Variants in ASB3 observed in about 807,000 individuals in gnomAD.
ASB3 encodes the protein ankyrin repeat and SOCS box protein 3.
Under a neutral mutation model 54.5 loss-of-function variants are expected in ASB3, and 41 were observed. The ratio of observed to expected loss-of-function variants is 0.75; its 90% CI spans 0.59 to 0.98. The LOEUF is 0.98. Ranked by LOEUF, ASB3 falls within the 50% of genes least tolerant of loss-of-function variation. The pLI is 0.00. For synonymous variants in ASB3, 266 were observed against 221.2 expected (o/e 1.20, Z -1.80); for missense variants, 733 against 620.0 (o/e 1.18, Z -1.94).
intron 1 of ASB3, among the ~76,000 whole-genome samples, chr2:53,770,501 A>T (rs1261337641): frequency 1.4e-4 from 10 of 69,662 alleles, no homozygotes; most frequent in Admixed American, 2.7e-4. Flanking sequence ...GTTTATTTAA[A>T]AAAAAAAAAA....
chr2:53,783,087 T>C (rs1275179623), intron 1 of ASB3, among the ~76,000 whole-genome samples: 1 of 152,142 alleles, frequency 6.6e-6, no homozygotes, highest in Non-Finnish European at 1.5e-5. Context: ...ATTTTTTTTT[T>C]TGAAGTAAAA....
At chr2:53,686,790 C>G (rs1348178214) in intron 9 of ASB3, among the ~76,000 whole-genome samples, 1 of 152,152 alleles carries the variant, frequency 6.6e-6, no homozygotes, top group Admixed American at 6.5e-5. Context: ...AATCTCGGCT[C>G]ACTGCAACCT....
chr2:53,674,590 A>G (rs1052139184), intron 9 of ASB3, among the ~76,000 whole-genome samples: 1 of 152,170 alleles, frequency 6.6e-6, no homozygotes, highest in East Asian at 1.9e-4. Context: ...TATATTTTCT[A>G]CATTCATCTT....
chr2:53,727,944 T>A (rs1671099506), intron 5 of ASB3, among the ~76,000 whole-genome samples: 1 of 152,130 alleles, frequency 6.6e-6, no homozygotes, highest in Non-Finnish European at 1.5e-5. Flanking sequence ...CAGGCTGGTC[T>A]CAAACTCCTG....
intron 9 of ASB3, among the ~76,000 whole-genome samples, chr2:53,684,495 T>C (rs1668536155): frequency 6.6e-6 from 1 of 152,246 alleles, no homozygotes; most frequent in Non-Finnish European, 1.5e-5. Flanking sequence ...ATGATTCTCA[T>C]GGTTCTCACT....
intron 3 of ASB3, among the ~76,000 whole-genome samples, chr2:53,741,186 T>C (rs1295033160): frequency 1.3e-5 from 2 of 152,210 alleles, no homozygotes; most frequent in Admixed American, 6.5e-5. Context: ...AGGAGCAACA[T>C]TTCCATTTTA....
At chr2:53,785,821 G>A (rs554618806) in intron 1 of ASB3, among the ~76,000 whole-genome samples, 1 of 152,358 alleles carries the variant, frequency 6.6e-6, no homozygotes, top group South Asian at 2.1e-4. Context: ...CAGCCTGGGT[G>A]ACAGAGCGAG....
At chr2:53,685,544 C>G (rs1668588666) in intron 9 of ASB3, among the ~76,000 whole-genome samples, 2 of 152,194 alleles carry the variant, frequency 1.3e-5, no homozygotes, top group Non-Finnish European at 2.9e-5. Flanking sequence ...ATTCTAACCT[C>G]CTAACCTTCC....
chr2:53,762,388 T>A (rs532833270), intron 2 of ASB3, among the ~76,000 whole-genome samples: 3 of 152,252 alleles, frequency 2.0e-5, no homozygotes. Context: ...GTCACACCAA[T>A]AAAATGGTAG....
intron 6 of ASB3, 74 bp downstream of exon 6, chr2:53,716,492 G>C (rs1242698156): frequency 6.6e-7 from 1 of 1,525,096 alleles, no homozygotes. Context: ...TAGAGGTGAA[G>C]GGTCTAGCCC....
chr2:53,759,797 G>C (rs555278748), intron 2 of ASB3, among the ~76,000 whole-genome samples: 1 of 152,292 alleles, frequency 6.6e-6, no homozygotes, highest in Non-Finnish European at 1.5e-5. Flanking sequence ...ACTGCCCCAG[G>C]GGACGAAGGT....
rs535424139 is a variant in ASB3, at chr2:53,699,021, C to A, written c.1238+1250G>T. On this transcript the variant is annotated intron_variant, in intron 8 of 9. Coordinates refer to ENST00000263634, the MANE Select transcript of ASB3 (RefSeq NM_016115.5). ...TGTTGCTATAACTCAATACCTGAGACTGGGTAATTTATAAAGAAAGTACAT... is the reference window on the plus strand; with the variant it reads ...TGTTGCTATAACTCAATACCTGAGAATGGGTAATTTATAAAGAAAGTACAT... Among the ~76,000 whole-genome samples the A allele has an allele frequency of 2.0e-5, 3 of 152,324 alleles. No individual in the cohort carries two copies. In the South Asian group the frequency reaches 6.2e-4, roughly 32 times the overall value.
chr2:53,696,420 G>A (rs572756124), intron 8 of ASB3, among the ~76,000 whole-genome samples: 3 of 152,188 alleles, frequency 2.0e-5, no homozygotes, highest in South Asian at 2.1e-4. Flanking sequence ...TTGGGAAAGG[G>A]GGGATAAATT....
rs1186751781 is a variant in ASB3 at position 53,765,315 on chromosome 2, CT to C, written c.196+61del. The C allele has an allele frequency of 4.4e-6, 7 of 1,602,386 alleles. No individual in the cohort carries two copies. In the African/African-American group the frequency reaches 8.1e-5, roughly 18 times the overall value. On this transcript the variant is annotated intron_variant, in intron 2 of 9. Transcript: ENST00000263634. Reference sequence around the variant, plus strand: ...TACTGTTAATAAGTTATGTATTATACTTTTTTATGTTTTATTAATCCAGCTT... The same window carrying C: ...TACTGTTAATAAGTTATGTATTATACTTTTTATGTTTTATTAATCCAGCTT...
At position 53,728,897 on chromosome 2, in the gene ASB3, A is replaced by C. The variant is rs375498337; in HGVS notation, c.469-50T>G. 11 of 1,532,042 alleles carry C rather than the reference A, an allele frequency of 7.2e-6. No homozygotes were observed. The African/African-American group carries it at 1.4e-4, about 19-fold the overall frequency. The allele number at this position is 1,532,042 out of a possible 1,614,324, so 94.9% of individuals were successfully genotyped here. On this transcript the variant is annotated intron_variant, in intron 4 of 9. Transcript: ENST00000263634. ...ATAAGAAAAAAACAAAGAAAATAGA[A>C]GGTATCTTTCTTCTTACTGTGTTTT...
intron 1 of ASB3, chr2:53,775,319 TTGTC>T (rs1237328115): frequency 5.9e-5 from 9 of 152,346 alleles, no homozygotes; most frequent in African/African-American, 1.7e-4. Context: ...TTGGAATTCT[TTGTC>T]TGTCACTATC....
chr2:53,775,333 C>G (rs1456313757), intron 1 of ASB3: 1 of 151,556 alleles, frequency 6.6e-6, no homozygotes. Context: ...CTGTCACTAT[C>G]TCAATTTGTG....
At chr2:53,697,336 C>A (rs1378199894) in intron 8 of ASB3, among the ~76,000 whole-genome samples, 1 of 152,202 alleles carries the variant, frequency 6.6e-6, no homozygotes, top group Admixed American at 6.5e-5. Context: ...AGCATGTAAT[C>A]AAGAAGTAAC....
intron 2 of ASB3, among the ~76,000 whole-genome samples, chr2:53,755,141 G>C (rs1049363068): frequency 3.9e-5 from 6 of 152,150 alleles, no homozygotes; most frequent in Middle Eastern, 3.2e-3. Context: ...ATTCTTAATG[G>C]ACAAACACAA....
Sources: allele counts gnomAD v4.1 joint callset (sites outside exome capture counted in the v4.1 genomes callset), GRCh38; gene constraint gnomAD v4.1.1; transcripts MANE v1.5; gene names NCBI Gene and HGNC (gene_info 2026-07-23, HGNC 2026-07-21).